NRXN3: variants seen among roughly 807,000 people sequenced by gnomAD.
NRXN3 encodes neurexin 3.
NRXN3 carries 32 observed loss-of-function variants against 137.6 expected under a neutral mutation model. That is an observed-to-expected ratio of 0.23 (90% confidence interval 0.18 to 0.31). NRXN3 has a LOEUF of 0.31. Ranked by LOEUF, NRXN3 falls within the 10% of genes least tolerant of loss-of-function variation. The pLI, the probability that NRXN3 is intolerant of heterozygous loss-of-function variation, is 1.00. For missense variants in NRXN3, 1,574 were observed against 2,062.5 expected, an observed-to-expected ratio of 0.76 and a Z score of 4.59; for synonymous variants, 798 against 784.5, an observed-to-expected ratio of 1.02 and a Z score of -0.29.
At chr14:78,785,045 A>T (rs2098784431) in intron 8 of NRXN3, among the ~76,000 whole-genome samples, 1 of 152,202 alleles carries the variant, frequency 6.6e-6, no homozygotes, top group Admixed American at 6.5e-5. Flanking sequence ...ATTGAAAGTG[A>T]TATGATTAGA....
At chr14:78,320,810 C>T (rs2079243806) in intron 4 of NRXN3, among the ~76,000 whole-genome samples, 1 of 152,194 alleles carries the variant, frequency 6.6e-6, no homozygotes, top group African/African-American at 2.4e-5. Flanking sequence ...AGAGATTCAG[C>T]ATCTCACCTA....
intron 15 of NRXN3, among the ~76,000 whole-genome samples, chr14:79,439,702 T>C (rs2095901115): frequency 6.6e-6 from 1 of 152,266 alleles, no homozygotes; most frequent in South Asian, 2.1e-4. Context: ...TTTCTCATTC[T>C]GTCAAGCCAT....
At chr14:78,648,618 TTTAA>T (rs1406748737) in intron 5 of NRXN3, among the ~76,000 whole-genome samples, 2 of 152,196 alleles carry the variant, frequency 1.3e-5, no homozygotes, top group Non-Finnish European at 2.9e-5. Context: ...GCTGTAGATG[TTTAA>T]TTATCTATGG....
At chr14:79,778,379 G>A (rs1266773864) in intron 19 of NRXN3, among the ~76,000 whole-genome samples, 2 of 152,116 alleles carry the variant, frequency 1.3e-5, no homozygotes, top group Non-Finnish European at 2.9e-5. Flanking sequence ...TCATGCCACT[G>A]CACTCCAGCC....
chr14:78,192,751 G>A (rs935173481), intron 1 of NRXN3, among the ~76,000 whole-genome samples: 1 of 152,156 alleles, frequency 6.6e-6, no homozygotes, highest in African/African-American at 2.4e-5. Flanking sequence ...CAGAATGCTG[G>A]GGCAGACTTC....
chr14:79,316,228 C>A (rs1182594099), intron 15 of NRXN3, among the ~76,000 whole-genome samples: 1 of 152,214 alleles, frequency 6.6e-6, no homozygotes, highest in Non-Finnish European at 1.5e-5. Context: ...TTGTTTCCAA[C>A]ACCTTGTAAA....
chr14:79,107,253 C>T (rs1426418318), intron 15 of NRXN3, among the ~76,000 whole-genome samples: 1 of 152,070 alleles, frequency 6.6e-6, no homozygotes, highest in Non-Finnish European at 1.5e-5. Flanking sequence ...GCAGACACAC[C>T]TACTTCCTAA....
intron 15 of NRXN3, among the ~76,000 whole-genome samples, chr14:79,406,493 G>T (rs941649024): frequency 1.1e-4 from 16 of 151,818 alleles, no homozygotes; most frequent in Non-Finnish European, 1.8e-4. Flanking sequence ...TTGTAGAGAT[G>T]GGGTTTCACC....
intron 15 of NRXN3, among the ~76,000 whole-genome samples, chr14:78,997,239 G>A (rs951600942): frequency 6.6e-6 from 1 of 152,086 alleles, no homozygotes; most frequent in African/African-American, 2.4e-5. Flanking sequence ...TAATTCAAAG[G>A]CATATAGCTT....
chr14:78,534,757 G>C (rs1160990732), intron 4 of NRXN3, among the ~76,000 whole-genome samples: 1 of 152,118 alleles, frequency 6.6e-6, no homozygotes, highest in Non-Finnish European at 1.5e-5. Flanking sequence ...CTTTACAAAA[G>C]GTAGCACTTT....
chr14:78,280,630 C>G, intron 3 of NRXN3, among the ~76,000 whole-genome samples: 1 of 152,170 alleles, frequency 6.6e-6, no homozygotes, highest in East Asian at 1.9e-4. Flanking sequence ...GGGTATGAAT[C>G]CAACCTGTGT....
intron 10 of NRXN3, among the ~76,000 whole-genome samples, chr14:78,894,056 A>G (rs746432658): frequency 2.7e-4 from 41 of 152,080 alleles, no homozygotes; most frequent in Middle Eastern, 3.4e-3. Flanking sequence ...TCTTGCCTTG[A>G]TATTGACGGC....
rs1307479910 is a variant in NRXN3 at position 79,538,839 on chromosome 14, A to T, written c.3444+71437A>T. Among the ~76,000 whole-genome samples the T allele has an allele frequency of 2.0e-5, 3 of 152,198 alleles. No homozygotes were observed. In the East Asian group the frequency reaches 5.8e-4, roughly 29 times the overall value. On this transcript the variant is annotated intron_variant, in intron 16 of 20. Coordinates refer to ENST00000335750, the MANE Select transcript of NRXN3 (RefSeq NM_001330195.2). ...GACAGTGTTAGGATGAAATCACATT[A>T]CTTATAATGTCGAATTCCTCTGTCA...
rs72347811 is a variant in NRXN3 at position 79,739,648 on chromosome 14, CAAAAAAAAAAAAAAAA to C, written c.4014+41725_4014+41740del. Among the ~76,000 whole-genome samples the C allele has an allele frequency of 1.5e-3, 48 of 31,824 alleles. 1 individual carries two copies. The highest frequency in any genetic ancestry group is 7.7e-3 in the South Asian group (3 of 388). The allele number at this position is 31,824 out of a possible 152,430, so 20.9% of individuals were successfully genotyped here. On this transcript the variant is annotated intron_variant, in intron 19 of 20. Coordinates refer to ENST00000335750, the MANE Select transcript of NRXN3 (RefSeq NM_001330195.2). ...TGGGTGACAGAACGAGACTCTGCCT[CAAAAAAAAAAAAAAAA>C]AAAAAAAAAAAAAGAACCCAGGCCT...
rs559713959 is a variant in NRXN3, at chr14:78,583,627, G to C, written c.758-61493G>C. On this transcript the variant is annotated intron_variant, in intron 4 of 20. Coordinates refer to ENST00000335750, the MANE Select transcript of NRXN3 (RefSeq NM_001330195.2). ...AATGAGCATAGTGGTAGAAGTCACTGTCTGCAGAAATTAGAAATGAAATAG... is the reference window on the plus strand; with the variant it reads ...AATGAGCATAGTGGTAGAAGTCACTCTCTGCAGAAATTAGAAATGAAATAG... Among the ~76,000 whole-genome samples, 28 of 152,328 alleles carry C rather than the reference G, an allele frequency of 1.8e-4. No homozygotes were observed. In the Middle Eastern group the frequency reaches 0.01, roughly 56 times the overall value.
intron 8 of NRXN3, among the ~76,000 whole-genome samples, chr14:78,771,338 C>CAATCTCATT (rs930321108): frequency 6.6e-6 from 1 of 152,170 alleles, no homozygotes; most frequent in Non-Finnish European, 1.5e-5. Context: ...CCAGTGGGCA[C>CAATCTCATT]AATCTCATTA....
chr14:79,397,104 G>A (rs1366947775), intron 15 of NRXN3, among the ~76,000 whole-genome samples: 1 of 152,170 alleles, frequency 6.6e-6, no homozygotes, highest in Non-Finnish European at 1.5e-5. Flanking sequence ...TAAAGTAGGT[G>A]AGATTGGAAA....
intron 10 of NRXN3, among the ~76,000 whole-genome samples, chr14:78,950,625 A>C (rs2152944908): frequency 6.6e-6 from 1 of 152,100 alleles, no homozygotes; most frequent in Non-Finnish European, 1.5e-5. Context: ...GAAGGAAGGA[A>C]GGAAGAAAAA....
chr14:79,075,257 A>G (rs1347004238), intron 15 of NRXN3, among the ~76,000 whole-genome samples: 1 of 152,176 alleles, frequency 6.6e-6, no homozygotes, highest in Non-Finnish European at 1.5e-5. Flanking sequence ...AAGAGGAACT[A>G]TGAAAGTGTA....
Sources: allele counts gnomAD v4.1 joint callset (sites outside exome capture counted in the v4.1 genomes callset), GRCh38; gene constraint gnomAD v4.1.1; transcripts MANE v1.5; gene names NCBI Gene and HGNC (gene_info 2026-07-23, HGNC 2026-07-21).